The following SOS2 variants were observed in gnomAD, a reference collection of about 807,000 sequenced individuals.
SOS2 encodes the protein SOS Ras/Rho guanine nucleotide exchange factor 2.
A neutral mutation model predicts 148.2 loss-of-function variants in SOS2; 65 were observed. That is an observed-to-expected ratio of 0.44 (90% confidence interval 0.36 to 0.54). The LOEUF (loss-of-function observed/expected upper bound fraction) is 0.54. Ranked by LOEUF, SOS2 falls within the 20% of genes least tolerant of loss-of-function variation. The pLI is 0.00. For missense variants in SOS2, 1,341 were observed against 1,590.2 expected (o/e 0.84, Z 2.67); for synonymous variants, 539 against 537.1 (o/e 1.00, Z -0.05).
chr14:50,184,847 G>C (rs375809866), intron 5 of SOS2, among the ~76,000 whole-genome samples: 6 of 117,066 alleles, frequency 5.1e-5, no homozygotes, highest in South Asian at 6.1e-4. Context: ...CTGGGCAACA[G>C]AGCCAGACCC....
At chr14:50,131,351 T>C (rs1380014461) in intron 19 of SOS2, among the ~76,000 whole-genome samples, 2 of 152,168 alleles carry the variant, frequency 1.3e-5, no homozygotes, top group Non-Finnish European at 2.9e-5. Context: ...TATCTAGCTA[T>C]GCAGCCTTGA....
intron 16 of SOS2, among the ~76,000 whole-genome samples, chr14:50,143,722 G>A (rs1044706032): frequency 1.3e-5 from 2 of 152,044 alleles, no homozygotes; most frequent in African/African-American, 4.8e-5. Flanking sequence ...GATTACAGGT[G>A]AGCCACTGAG....
chr14:50,211,721 G>C (rs1006006968), intron 1 of SOS2, among the ~76,000 whole-genome samples: 1 of 152,038 alleles, frequency 6.6e-6, no homozygotes, highest in Non-Finnish European at 1.5e-5. Flanking sequence ...TCCTCCCAAA[G>C]TGCTGGGATT....
intron 1 of SOS2, among the ~76,000 whole-genome samples, chr14:50,228,433 C>G (rs1347484716): frequency 6.6e-6 from 1 of 152,078 alleles, no homozygotes; most frequent in Non-Finnish European, 1.5e-5. Context: ...CTGTATGTAA[C>G]CCAACAGTCT....
At chr14:50,171,126 A>AG (rs397972008) in intron 8 of SOS2, among the ~76,000 whole-genome samples, 1 of 151,546 alleles carries the variant, frequency 6.6e-6, no homozygotes, top group African/African-American at 2.4e-5. Context: ...AAAAAAAAAA[A>AG]GAAAAAGAAA....
At position 50,153,077 on chromosome 14, in the gene SOS2, A is replaced by G. The variant is rs568511771; in HGVS notation, c.2154T>C (p.Ser718=). ...AACCTTTATATAATATACCTCTTAC[A>G]CTTGAAATGAAGGATTCTAGTCTTT... The part of the protein sequence containing the change: ...LLERLESFIS[S]VRGKAMKKWV... Residue 718 remains serine, a synonymous_variant, in exon 13 of 23, where the codon AGT becomes AGC. Coordinates refer to ENST00000216373, the MANE Select transcript of SOS2 (RefSeq NM_006939.4). 2.3e-5 allele frequency: 35 copies of G among 1,518,650 alleles called. No individual in the cohort carries two copies. In the Admixed American group the frequency reaches 5.0e-4, roughly 22 times the overall value. 94.1% of individuals were successfully genotyped at this position (1,518,650 alleles called of 1,614,324 possible). A position where few individuals can be genotyped will look rare whatever the true frequency, so the allele number is the denominator to read the frequency against.
intron 4 of SOS2, among the ~76,000 whole-genome samples, chr14:50,197,427 A>G (rs1233634873): frequency 6.6e-6 from 1 of 152,216 alleles, no homozygotes; most frequent in African/African-American, 2.4e-5. Flanking sequence ...AGAAAATGCA[A>G]TGAGAAGAAC....
Position 50,160,019 on chromosome 14 carries a change from C to T in SOS2, c.1264G>A (p.Glu422Lys), listed in dbSNP as rs375244948. ...SKHLAIKKMN[E>K]IQKNIDGWEG... Reference sequence around the variant, plus strand: ...CATCCATCGATATTTTTCTGAATTTCATTCATTTTTTTGATAGCCAGGTGT... The same window carrying T: ...CATCCATCGATATTTTTCTGAATTTTATTCATTTTTTTGATAGCCAGGTGT... Residue 422 changes from glutamate to lysine, a missense_variant, in exon 10 of 23, where the codon GAA (glutamate) becomes AAA (lysine). This residue lies in a region of SOS2 where 574 missense variants were observed against 711.1 expected (regional missense o/e 0.81). Coordinates refer to ENST00000216373, the MANE Select transcript of SOS2 (RefSeq NM_006939.4). 16 of 1,613,900 alleles carry T rather than the reference C, an allele frequency of 9.9e-6. No individual in the cohort carries two copies. Among genetic ancestry groups the T allele is most frequent in the African/African-American group, 4.0e-5 (3 of 74,928 alleles).
chr14:50,145,334 T>C lies in SOS2; in HGVS notation c.2505-2A>G. ...AAATTTTCTGCTTCCACAATGCATC[T>C]AACAACAACAAAAATTCATGGCTTA... On this transcript the variant is annotated splice_acceptor_variant, in intron 15 of 22. Transcript: ENST00000216373. LOFTEE classifies it high-confidence loss of function. 6.3e-7 allele frequency: 1 copy of C among 1,594,674 alleles called. No individual in the cohort carries two copies. Among genetic ancestry groups the C allele is most frequent in the Non-Finnish European group, 8.5e-7 (1 of 1,173,794 alleles).
At chr14:50,142,785 C>T (rs1164230048) in intron 16 of SOS2, among the ~76,000 whole-genome samples, 1 of 152,190 alleles carries the variant, frequency 6.6e-6, no homozygotes, top group Non-Finnish European at 1.5e-5. Flanking sequence ...TATCTTTGTA[C>T]ATATAACTTT....
chr14:50,211,611 A>AATT lies in SOS2; in HGVS notation c.88-7205_88-7203dup, dbSNP rs138456236. 2.1e-4 allele frequency among the ~76,000 whole-genome samples: 31 copies of AATT among 147,596 alleles called. 1 individual carries two copies. The South Asian group carries it at 6.4e-3, about 30-fold the overall frequency. ...GGAAAATTTTATTTATTTTTTAATT[A>AATT]ATTATTATTATTATTATTATTTAGA... On this transcript the variant is annotated intron_variant, in intron 1 of 22. Transcript: ENST00000216373.
At chr14:50,126,599 T>G (rs562920401) in intron 21 of SOS2, among the ~76,000 whole-genome samples, 4 of 151,480 alleles carry the variant, frequency 2.6e-5, no homozygotes, top group African/African-American at 9.7e-5. Context: ...CAATCAGAGG[T>G]AACTGAAAAG....
At chr14:50,157,827 C>G (rs1254138648) in intron 11 of SOS2, among the ~76,000 whole-genome samples, 1 of 152,070 alleles carries the variant, frequency 6.6e-6, no homozygotes, top group African/African-American at 2.4e-5. Flanking sequence ...AGTCCAGATT[C>G]TACATTTTAA....
intron 8 of SOS2, among the ~76,000 whole-genome samples, chr14:50,167,695 C>G (rs1885210525): frequency 6.6e-6 from 1 of 151,994 alleles, no homozygotes; most frequent in South Asian, 2.1e-4. Context: ...ATGATGAAAC[C>G]CAGTCTCTAT....
intron 1 of SOS2, among the ~76,000 whole-genome samples, chr14:50,218,879 CCGAGA>C (rs1249849958): frequency 3.3e-5 from 5 of 152,074 alleles, no homozygotes; most frequent in African/African-American, 1.2e-4. Context: ...CGTTGGGAGG[CCGAGA>C]CGAGTGGATC....
At chr14:50,182,660 A>C in intron 5 of SOS2, 54 bp from the exon 6 acceptor site, 1 of 1,452,172 alleles carries the variant, frequency 6.9e-7, no homozygotes, top group African/African-American at 1.4e-5. Context: ...TCTGCTAAAA[A>C]ATTACTAAAT....
intron 21 of SOS2, among the ~76,000 whole-genome samples, chr14:50,122,391 C>CTT (rs71118839): frequency 0.26 from 22,998 of 88,244 alleles, 5,041 homozygotes; most frequent in African/African-American, 0.49. Flanking sequence ...GAACCCTGGG[C>CTT]TTTTTTTTTT....
intron 4 of SOS2, among the ~76,000 whole-genome samples, chr14:50,190,726 A>AC (rs1886102029): frequency 6.6e-6 from 1 of 152,034 alleles, no homozygotes; most frequent in Admixed American, 6.6e-5. Flanking sequence ...TTTAACTCCA[A>AC]CCCACCTTCC....
intron 18 of SOS2, among the ~76,000 whole-genome samples, chr14:50,135,089 AAAAGAAAG>A (rs536084984): frequency 1.8e-3 from 237 of 131,530 alleles, no homozygotes; most frequent in Middle Eastern, 7.5e-3. Flanking sequence ...AAAAAAAAAA[AAAAGAAAG>A]AAAGAAAGAA....
Sources: gnomAD v4.1 joint callset for allele counts (sites outside exome capture counted in the v4.1 genomes callset) on GRCh38, gnomAD v4.1.1 for gene constraint, gnomAD v4.1.1 regional missense constraint, MANE v1.5 for transcripts, NCBI Gene and HGNC (gene_info 2026-07-23, HGNC 2026-07-21) for gene names.